DENND2B: variants seen among roughly 807,000 people sequenced by gnomAD.
The protein encoded by DENND2B is DENN domain containing 2B.
In DENND2B, 32 loss-of-function variants were observed where a neutral mutation model predicts 116.0. The ratio of observed to expected loss-of-function variants is 0.28; its 90% CI spans 0.21 to 0.37. DENND2B has a LOEUF of 0.37. DENND2B is among the 10% of genes least tolerant of loss of function. The probability of loss-of-function intolerance (pLI) is 1.00; values close to 1 mark genes in which losing one functional copy is unlikely to be tolerated. For missense variants in DENND2B, 1,276 were observed against 1,477.7 expected (o/e 0.86, Z 2.24); for synonymous variants, 588 against 583.9 (o/e 1.01, Z -0.10).
intron 17 of DENND2B, 93 bp from the exon 18 acceptor site, chr11:8,696,759 A>G: frequency 6.5e-7 from 1 of 1,535,358 alleles, no homozygotes. Context: ...CCCCAACAAG[A>G]CTTCCAGCCA....
chr11:8,731,052 G>C lies in DENND2B; in HGVS notation c.238C>G (p.Pro80Ala). 1 of 1,614,058 alleles carries C rather than the reference G, an allele frequency of 6.2e-7. No individual in the cohort carries two copies. The highest frequency in any genetic ancestry group is 1.1e-5 in the South Asian group (1 of 91,086). ...GAAGTATCTGGGGAGGGATCTTGAGGATTCTGGGGTGAAGGAGCTGGGGGG... is the reference window on the plus strand; with the variant it reads ...GAAGTATCTGGGGAGGGATCTTGAGCATTCTGGGGTGAAGGAGCTGGGGGG... ...RHPPAPSPQN[P>A]QDPSPDTSPP... The change falls in exon 3 of 20, where the codon CCT becomes GCT. Residue 80 changes from proline (P) to alanine (A), a missense_variant. By Grantham distance (27) the Pro-to-Ala change is conservative. Coordinates refer to ENST00000313726, the MANE Select transcript of DENND2B (RefSeq NM_213618.2).
chr11:8,746,392 G>T (rs942523232), intron 2 of DENND2B, among the ~76,000 whole-genome samples: 1 of 152,230 alleles, frequency 6.6e-6, no homozygotes, highest in African/African-American at 2.4e-5. Flanking sequence ...TTCCTCATTT[G>T]TAATGTAAGT....
At chr11:8,820,726 G>A (rs6484606) in intron 4 of DENND2B, among the ~76,000 whole-genome samples, 108,382 of 152,088 alleles carry the variant, frequency 0.71, 39,808 homozygotes, top group Admixed American at 0.82. Flanking sequence ...TTAAGAAAAC[G>A]AAGTACATAG....
chr11:8,772,516 G>A (rs1227022583), intron 1 of DENND2B, among the ~76,000 whole-genome samples: 2 of 152,054 alleles, frequency 1.3e-5, no homozygotes, highest in Non-Finnish European at 2.9e-5. Context: ...TGGCAAATTG[G>A]CAAATGTGAG....
intron 1 of DENND2B, among the ~76,000 whole-genome samples, chr11:8,761,804 G>A (rs748386205): frequency 2.1e-5 from 3 of 141,568 alleles, no homozygotes; most frequent in Non-Finnish European, 4.6e-5. Context: ...AATAATAAAG[G>A]CTAAAGGGAC....
rs1214870931 is a variant in DENND2B, at chr11:8,879,645, C to A, written c.-156+1365G>T. Among the ~76,000 whole-genome samples, 8 of 152,092 alleles carry A rather than the reference C, an allele frequency of 5.3e-5. No homozygotes were observed. In the South Asian group the frequency reaches 1.7e-3, roughly 32 times the overall value. ...TCATCTTCCAATTCCTTTATAAATT[C>A]TTTAAAGAATAAAATATTTGTCCTC... On this transcript the variant is annotated intron_variant, in intron 2 of 22. Transcript: ENST00000534127.
intron 1 of DENND2B, among the ~76,000 whole-genome samples, chr11:8,758,761 G>A (rs954735294): frequency 6.6e-6 from 1 of 152,114 alleles, no homozygotes; most frequent in African/African-American, 2.4e-5. Flanking sequence ...CCACCGCAGC[G>A]CTGTGCCTCC....
intron 4 of DENND2B, among the ~76,000 whole-genome samples, chr11:8,838,076 G>C (rs926431542): frequency 4.6e-5 from 7 of 152,188 alleles, no homozygotes; most frequent in African/African-American, 1.7e-4. Context: ...ATTTCCATCA[G>C]TTTTTCTTAC....
intron 3 of DENND2B, among the ~76,000 whole-genome samples, chr11:8,842,570 T>C (rs2062662377): frequency 6.6e-6 from 1 of 152,340 alleles, no homozygotes; most frequent in Admixed American, 6.5e-5. Context: ...GGTTTCCTTT[T>C]GGAGTGCATT....
chr11:8,852,917 A>G (rs1011617741), intron 3 of DENND2B, among the ~76,000 whole-genome samples: 13 of 152,166 alleles, frequency 8.5e-5, no homozygotes, highest in Admixed American at 7.2e-4. Context: ...GGTGGGCCTG[A>G]TAAGCTTTTA....
intron 1 of DENND2B, among the ~76,000 whole-genome samples, chr11:8,759,213 C>CA (rs1565872425): frequency 6.6e-6 from 1 of 152,120 alleles, no homozygotes; most frequent in African/African-American, 2.4e-5. Context: ...TATCCTAGAG[C>CA]AAAAAACCTG....
At chr11:8,714,903 C>T in intron 6 of DENND2B, 197 bp from the exon 7 acceptor site, 1 of 568,000 alleles carries the variant, frequency 1.8e-6, no homozygotes, top group Non-Finnish European at 3.1e-6. Flanking sequence ...TCTCCATATA[C>T]CTAGTCCCCC....
chr11:8,709,920 C>T (rs772967620), intron 11 of DENND2B, among the ~76,000 whole-genome samples: 59 of 152,282 alleles, frequency 3.9e-4, no homozygotes, highest in Middle Eastern at 3.4e-3. Flanking sequence ...TCTAAAGTTC[C>T]TCGAGAGGGA....
At chr11:8,901,224 C>CTTTTT (rs140277618) in intron 1 of DENND2B, among the ~76,000 whole-genome samples, 2 of 55,736 alleles carry the variant, frequency 3.6e-5, no homozygotes, top group Admixed American at 2.1e-4. Context: ...CTTTTCTTTT[C>CTTTTT]TTTTCTTTTT....
At chr11:8,777,781 C>T (rs1458097966) in intron 1 of DENND2B, among the ~76,000 whole-genome samples, 1 of 152,200 alleles carries the variant, frequency 6.6e-6, no homozygotes, top group Non-Finnish European at 1.5e-5. Flanking sequence ...AGAGAGAACA[C>T]CTAACCCATC....
At chr11:8,799,561 CTTTTT>C (rs67190732) in intron 1 of DENND2B, among the ~76,000 whole-genome samples, 3 of 114,044 alleles carry the variant, frequency 2.6e-5, no homozygotes, top group African/African-American at 9.6e-5. Context: ...TCCTTTTTCT[CTTTTT>C]TTTTTTTTTT....
intron 3 of DENND2B, among the ~76,000 whole-genome samples, chr11:8,851,566 A>G (rs2063008860): frequency 6.6e-6 from 1 of 152,208 alleles, no homozygotes; most frequent in Non-Finnish European, 1.5e-5. Flanking sequence ...TACACAGGTT[A>G]AAGACTTTCT....
chr11:8,906,205 C>CTTTTTT (rs34217164), intron 1 of DENND2B, among the ~76,000 whole-genome samples: 2 of 93,300 alleles, frequency 2.1e-5, no homozygotes, highest in African/African-American at 3.5e-5. Flanking sequence ...TCTTTTTTTT[C>CTTTTTT]TTTTTTTTTT....
At chr11:8,892,851 T>A (rs1276880238) in intron 1 of DENND2B, among the ~76,000 whole-genome samples, 6 of 152,198 alleles carry the variant, frequency 3.9e-5, no homozygotes, top group Non-Finnish European at 5.9e-5. Context: ...CTTCTGAAAC[T>A]ATTCCAATCA....
Sources: allele counts gnomAD v4.1 joint callset (sites outside exome capture counted in the v4.1 genomes callset), GRCh38; gene constraint gnomAD v4.1.1; transcripts MANE v1.5; gene names NCBI Gene and HGNC (gene_info 2026-07-23, HGNC 2026-07-21).